Variants in DLC1 observed in about 807,000 individuals in gnomAD.
The protein encoded by DLC1 is rho GTPase-activating protein 7.
DLC1 carries 54 observed loss-of-function variants against 140.3 expected under a neutral mutation model. That is an observed-to-expected ratio of 0.38 (90% confidence interval 0.31 to 0.48). The LOEUF is 0.48. Ranked by LOEUF, DLC1 falls within the 20% of genes least tolerant of loss-of-function variation. The probability of loss-of-function intolerance (pLI) is 0.96; values close to 1 mark genes in which losing one functional copy is unlikely to be tolerated. For missense variants in DLC1, 2,536 were observed against 1,907.0 expected, an observed-to-expected ratio of 1.33 and a Z score of -6.14; for synonymous variants, 986 against 728.1, an observed-to-expected ratio of 1.35 and a Z score of -5.70.
rs765563670 is a variant in DLC1, at chr8:13,095,106, G to A, written c.3307C>T (p.Arg1103Trp). The change falls in exon 11 of 18, where the codon CGG becomes TGG. Residue 1103 changes from arginine to tryptophan, a missense_variant. By Grantham distance (101) the Arg-to-Trp change is moderately radical. Transcript: ENST00000276297. ...CTCACCTGATCCAAACAATGGTTCC[G>A]GAGGTATCGCATGGCCTGCTGGATG... ...QSIQQAMRYL[R>W]NHCLDQVGLF... is the part of the protein sequence containing the mutation. 26 of 1,614,242 alleles carry A rather than the reference G, an allele frequency of 1.6e-5. No individual in the cohort carries two copies. The highest frequency in any genetic ancestry group is 1.1e-4 in the East Asian group (5 of 44,876).
chr8:13,546,999 AT>A (rs1803671612), intron 1 of DLC1, among the ~76,000 whole-genome samples: 1 of 152,138 alleles, frequency 6.6e-6, no homozygotes, highest in African/African-American at 2.4e-5. Context: ...TTACAATCAT[AT>A]GTTAAATGTC....
intron 4 of DLC1, among the ~76,000 whole-genome samples, chr8:13,332,723 A>G (rs574575438): frequency 1.3e-5 from 2 of 152,118 alleles, no homozygotes; most frequent in Admixed American, 1.3e-4. Flanking sequence ...CTGGCCCACT[A>G]TTCATGGATT....
At chr8:13,414,834 A>T (rs982513172) in intron 2 of DLC1, among the ~76,000 whole-genome samples, 7 of 152,096 alleles carry the variant, frequency 4.6e-5, no homozygotes, top group African/African-American at 1.7e-4. Flanking sequence ...GGGCAGGGAC[A>T]GAGTCTTGTT....
chr8:13,425,042 G>A (rs888324448), intron 2 of DLC1, among the ~76,000 whole-genome samples: 2 of 151,326 alleles, frequency 1.3e-5, no homozygotes, highest in Non-Finnish European at 2.9e-5. Context: ...CATGCCATGT[G>A]TCCAGGAATA....
At chr8:13,127,204 T>C (rs1163025269) in intron 5 of DLC1, among the ~76,000 whole-genome samples, 1 of 152,212 alleles carries the variant, frequency 6.6e-6, no homozygotes, top group African/African-American at 2.4e-5. Context: ...CACTAATGAA[T>C]GAACAGAAAT....
intron 7 of DLC1, among the ~76,000 whole-genome samples, chr8:13,107,510 G>A (rs1271606594): frequency 2.6e-5 from 4 of 152,156 alleles, no homozygotes; most frequent in Admixed American, 2.6e-4. Context: ...CAACTGTTCA[G>A]AAAATATCAA....
intron 5 of DLC1, among the ~76,000 whole-genome samples, chr8:13,203,081 C>G (rs548948373): frequency 7.2e-5 from 11 of 152,280 alleles, no homozygotes; most frequent in African/African-American, 2.6e-4. Flanking sequence ...CAGTCCTATG[C>G]CTCTTCTTCT....
chr8:13,177,020 T>C (rs567213871), intron 5 of DLC1, among the ~76,000 whole-genome samples: 7 of 152,350 alleles, frequency 4.6e-5, no homozygotes, highest in African/African-American at 1.7e-4. Context: ...GCTGCCATCT[T>C]GAATCTAATC....
intron 5 of DLC1, among the ~76,000 whole-genome samples, chr8:13,131,570 G>A (rs931561597): frequency 7.3e-6 from 1 of 136,870 alleles, no homozygotes; most frequent in Non-Finnish European, 1.7e-5. Context: ...GGTGGGGAGT[G>A]GGACGAAGCT....
At chr8:13,354,356 G>A (rs1248902358) in intron 4 of DLC1, among the ~76,000 whole-genome samples, 3 of 152,082 alleles carry the variant, frequency 2.0e-5, no homozygotes, top group Admixed American at 6.6e-5. Context: ...CTTTGAGCTT[G>A]GTGAAAGCAG....
chr8:13,305,975 C>T (rs553734416), intron 4 of DLC1, among the ~76,000 whole-genome samples: 1 of 152,150 alleles, frequency 6.6e-6, no homozygotes, highest in African/African-American at 2.4e-5. Context: ...CATTTCAAAT[C>T]TCTTCCCTGT....
At chr8:13,449,564 G>A (rs1218742643) in intron 2 of DLC1, among the ~76,000 whole-genome samples, 4 of 150,928 alleles carry the variant, frequency 2.7e-5, no homozygotes, top group East Asian at 2.0e-4. Flanking sequence ...GCAAACTATC[G>A]CAAGGACAAA....
intron 5 of DLC1, among the ~76,000 whole-genome samples, chr8:13,174,818 T>G (rs1181223142): frequency 6.6e-6 from 1 of 152,040 alleles, no homozygotes; most frequent in Non-Finnish European, 1.5e-5. Context: ...GGTTGTTTAC[T>G]CCATTGATAA....
At chr8:13,150,771 C>T (rs1453407959) in intron 5 of DLC1, among the ~76,000 whole-genome samples, 3 of 152,200 alleles carry the variant, frequency 2.0e-5, no homozygotes, top group Non-Finnish European at 4.4e-5. Context: ...AGCATAAAAT[C>T]TCACTGAGGG....
intron 1 of DLC1, among the ~76,000 whole-genome samples, chr8:13,544,983 C>T (rs908777901): frequency 2.0e-5 from 3 of 152,232 alleles, no homozygotes; most frequent in Non-Finnish European, 4.4e-5. Context: ...TAGCACCCCC[C>T]CTGGAACTGT....
chr8:13,217,211 G>C (rs1243230462), intron 5 of DLC1, among the ~76,000 whole-genome samples: 1 of 152,074 alleles, frequency 6.6e-6, no homozygotes, highest in African/African-American at 2.4e-5. Flanking sequence ...TTTTCCATTT[G>C]TCTATGCCAG....
intron 1 of DLC1, among the ~76,000 whole-genome samples, chr8:13,521,269 G>C (rs1401094205): frequency 1.3e-5 from 2 of 152,036 alleles, no homozygotes; most frequent in Admixed American, 6.6e-5. Flanking sequence ...TGGGGAGGGA[G>C]AGCATCAGGG....
intron 1 of DLC1, chr8:13,557,896 G>A (rs779673115): frequency 2.0e-5 from 3 of 152,224 alleles, no homozygotes; most frequent in South Asian, 2.1e-4. Flanking sequence ...ATTGCAACTC[G>A]GGGCATACAC....
chr8:13,339,533 A>G (rs1833945384), intron 4 of DLC1: 1 of 152,240 alleles, frequency 6.6e-6, no homozygotes, highest in South Asian at 2.1e-4. Context: ...GTGCTGTTTT[A>G]AAATCACATT....
Sources: gnomAD v4.1 joint callset for allele counts (sites outside exome capture counted in the v4.1 genomes callset) on GRCh38, gnomAD v4.1.1 for gene constraint, MANE v1.5 for transcripts, NCBI Gene and HGNC (gene_info 2026-07-23, HGNC 2026-07-21) for gene names.